TMEM135: variants seen among roughly 807,000 people sequenced by gnomAD.
TMEM135 encodes the protein transmembrane protein 135.
TMEM135 carries 30 observed loss-of-function variants against 60.3 expected under a neutral mutation model. The observed-to-expected ratio is 0.50, with a 90% CI of 0.37 to 0.68. TMEM135 has a LOEUF of 0.68. Ranked by LOEUF, TMEM135 falls within the 30% of genes least tolerant of loss-of-function variation. The probability of loss-of-function intolerance (pLI) is 0.00; values close to 1 mark genes in which losing one functional copy is unlikely to be tolerated. For missense variants in TMEM135, 468 were observed against 548.8 expected (o/e 0.85, Z 1.47); for synonymous variants, 190 against 186.7 (o/e 1.02, Z -0.14).
At chr11:87,307,054 C>T (rs1183200955) in intron 9 of TMEM135, among the ~76,000 whole-genome samples, 1 of 152,058 alleles carries the variant, frequency 6.6e-6, no homozygotes, top group Non-Finnish European at 1.5e-5. Flanking sequence ...CTAACAGTTC[C>T]AATGCTGTAG....
intron 4 of TMEM135, among the ~76,000 whole-genome samples, chr11:87,111,369 C>T (rs1262989040): frequency 6.6e-6 from 1 of 151,944 alleles, no homozygotes; most frequent in Admixed American, 6.6e-5. Context: ...ATTTCCTAGC[C>T]TGGCGCTGTG....
intron 5 of TMEM135, among the ~76,000 whole-genome samples, chr11:87,227,909 A>G (rs954781062): frequency 6.6e-6 from 1 of 152,200 alleles, no homozygotes; most frequent in African/African-American, 2.4e-5. Flanking sequence ...TTCTTTAAAT[A>G]GAAACTAACA....
At chr11:87,046,821 A>G (rs1239527646) in intron 1 of TMEM135, among the ~76,000 whole-genome samples, 1 of 152,198 alleles carries the variant, frequency 6.6e-6, no homozygotes, top group Non-Finnish European at 1.5e-5. Context: ...TTGAGGTGGT[A>G]GTGTTACTGA....
chr11:87,059,442 A>G (rs1047963412), intron 1 of TMEM135, among the ~76,000 whole-genome samples: 4 of 151,874 alleles, frequency 2.6e-5, no homozygotes, highest in African/African-American at 9.7e-5. Context: ...CAGCCTCACA[A>G]GTAGCTGGGA....
At chr11:87,115,556 G>T (rs78648040) in intron 4 of TMEM135, among the ~76,000 whole-genome samples, 15,564 of 151,860 alleles carry the variant, frequency 0.1, 848 homozygotes, top group African/African-American at 0.13. Flanking sequence ...AGCCTTTGAG[G>T]TATATAAATT....
chr11:87,096,252 C>A (rs2135176054), intron 4 of TMEM135: 1 of 280,830 alleles, frequency 3.6e-6, no homozygotes, highest in South Asian at 4.4e-5. Flanking sequence ...GCTTTAGATC[C>A]TTCAAAACTG....
At position 87,294,276 on chromosome 11, in the gene TMEM135, A is replaced by T. The variant is rs191716591; in HGVS notation, c.510-1506A>T. 4.5e-4 allele frequency among the ~76,000 whole-genome samples: 69 copies of T among 152,294 alleles called. 1 individual carries two copies. The highest frequency in any genetic ancestry group is 1.5e-3 in the African/African-American group (64 of 41,562). On this transcript the variant is annotated intron_variant, in intron 6 of 14. Coordinates refer to ENST00000305494, the MANE Select transcript of TMEM135 (RefSeq NM_022918.4). ...CAGATTCTGTACTGCATCTAATAAA[A>T]ATGTATATGATTTTGATTAAAATAG...
chr11:87,070,353 T>C (rs994618288), intron 2 of TMEM135, among the ~76,000 whole-genome samples: 4 of 152,044 alleles, frequency 2.6e-5, no homozygotes, highest in African/African-American at 9.7e-5. Flanking sequence ...AAATATTTTT[T>C]TTTCTCTTAA....
At chr11:87,097,109 G>T (rs1410196474) in intron 4 of TMEM135, among the ~76,000 whole-genome samples, 1 of 151,626 alleles carries the variant, frequency 6.6e-6, no homozygotes, top group Non-Finnish European at 1.5e-5. Context: ...CGATTCTCCT[G>T]CCTCAGTCCC....
intron 4 of TMEM135, among the ~76,000 whole-genome samples, chr11:87,110,785 T>TGA (rs1857723637): frequency 6.6e-6 from 1 of 152,122 alleles, no homozygotes; most frequent in African/African-American, 2.4e-5. Context: ...TGTGTGTGTG[T>TGA]GTGTGATGAA....
intron 4 of TMEM135, among the ~76,000 whole-genome samples, chr11:87,129,543 A>AGTT (rs1565453946): frequency 2.4e-5 from 1 of 41,614 alleles, no homozygotes; most frequent in South Asian, 6.4e-4. Flanking sequence ...ATGCTTGGCC[A>AGTT]ATTTTTTTTT....
chr11:87,091,301 T>A, intron 3 of TMEM135, 61 bp from the exon 4 acceptor site: 2 of 1,405,626 alleles, frequency 1.4e-6, no homozygotes, highest in Non-Finnish European at 2.0e-6. Context: ...TTCTAATAAA[T>A]GATAAAGTGA....
chr11:87,299,456 G>A (rs116801005), intron 7 of TMEM135, among the ~76,000 whole-genome samples: 2,425 of 152,204 alleles, frequency 0.016, 40 homozygotes, highest in African/African-American at 0.042. Flanking sequence ...CCCCCACCAG[G>A]TCCCTCCCTC....
chr11:87,120,116 CTTT>C (rs57519689), intron 4 of TMEM135, among the ~76,000 whole-genome samples: 2 of 112,834 alleles, frequency 1.8e-5, no homozygotes, highest in Non-Finnish European at 1.9e-5. Flanking sequence ...TCTTCTTCTT[CTTT>C]TTTTTTTTTT....
At position 87,099,682 on chromosome 11, in the gene TMEM135, G is replaced by GTTTTTTTTTT. The variant is rs57019125; in HGVS notation, c.396+8298_396+8307dup. Among the ~76,000 whole-genome samples the GTTTTTTTTTT allele has an allele frequency of 7.7e-3, 839 of 109,248 alleles. 25 individuals carry two copies. Among genetic ancestry groups the GTTTTTTTTTT allele is most frequent in the Non-Finnish European group, 0.01 (543 of 54,012 alleles). The allele number at this position is 109,248 out of a possible 152,430, so 71.7% of individuals were successfully genotyped here. On this transcript the variant is annotated intron_variant, in intron 4 of 14. Transcript: ENST00000305494. ...TATTGTGGTTACATGTTTCATGGTG[G>GTTTTTTTTTT]TTTTTTTTTTTTTTTTTTTTGAGGC...
At chr11:87,125,546 T>A (rs1937702854) in intron 4 of TMEM135, among the ~76,000 whole-genome samples, 1 of 151,914 alleles carries the variant, frequency 6.6e-6, no homozygotes, top group Non-Finnish European at 1.5e-5. Context: ...AGCTAAGGAG[T>A]CTGTTATGTC....
At chr11:87,249,788 A>G (rs1252775193) in intron 6 of TMEM135, among the ~76,000 whole-genome samples, 1 of 151,904 alleles carries the variant, frequency 6.6e-6, no homozygotes, top group Admixed American at 6.6e-5. Context: ...TTTTATTGCT[A>G]TGTGTTTGGT....
intron 9 of TMEM135, 26 bp from the exon 10 acceptor site, chr11:87,309,479 C>T (rs185491388): frequency 8.7e-6 from 14 of 1,612,738 alleles, no homozygotes; most frequent in African/African-American, 1.3e-5. Flanking sequence ...GTTTGTAAAT[C>T]AGGTTTTTCT....
intron 4 of TMEM135, among the ~76,000 whole-genome samples, chr11:87,144,709 A>AGTGTGTGT (rs4014711): frequency 0.031 from 4,497 of 147,082 alleles, 129 homozygotes; most frequent in African/African-American, 0.077. Context: ...TGTGTGTGAA[A>AGTGTGTGT]GTGTGTGTGT....
Sources: allele counts gnomAD v4.1 joint callset (sites outside exome capture counted in the v4.1 genomes callset), GRCh38; gene constraint gnomAD v4.1.1; transcripts MANE v1.5; gene names NCBI Gene and HGNC (gene_info 2026-07-23, HGNC 2026-07-21).